Variants in PDE8A observed in about 807,000 individuals in gnomAD.
PDE8A encodes phosphodiesterase 8A, also known as high affinity cAMP-specific and IBMX-insensitive 3',5'-cyclic phosphodiesterase 8A.
A neutral mutation model predicts 105.0 loss-of-function variants in PDE8A; 59 were observed. The observed-to-expected ratio is 0.56, with a 90% CI of 0.46 to 0.70. The LOEUF (loss-of-function observed/expected upper bound fraction) is 0.70, where lower values mean the gene tolerates loss of function less well. Ranked by LOEUF, PDE8A falls within the 30% of genes least tolerant of loss-of-function variation. The probability of loss-of-function intolerance (pLI) is 0.00; values close to 1 mark genes in which losing one functional copy is unlikely to be tolerated. For missense variants in PDE8A, 1,014 were observed against 1,045.9 expected (o/e 0.97, Z 0.42); for synonymous variants, 355 against 371.9 (o/e 0.95, Z 0.52).
At chr15:84,997,383 A>T (rs2079997088) in intron 1 of PDE8A, among the ~76,000 whole-genome samples, 1 of 151,464 alleles carries the variant, frequency 6.6e-6, no homozygotes, top group African/African-American at 2.4e-5. Flanking sequence ...TTTTGTAGAG[A>T]TGGGGTCTTG....
chr15:85,134,314 A>C (rs140359977), intron 20 of PDE8A, among the ~76,000 whole-genome samples: 17 of 152,332 alleles, frequency 1.1e-4, no homozygotes, highest in Middle Eastern at 6.8e-3. Context: ...CTTAGGGTCT[A>C]GCGTGACCAA....
chr15:84,997,041 A>G (rs2079990692), intron 1 of PDE8A, among the ~76,000 whole-genome samples: 1 of 152,058 alleles, frequency 6.6e-6, no homozygotes, highest in African/African-American at 2.4e-5. Flanking sequence ...TTCTTCGATA[A>G]TCTCAGCTTA....
At chr15:85,020,886 A>G (rs1172767148) in intron 1 of PDE8A, among the ~76,000 whole-genome samples, 1 of 152,198 alleles carries the variant, frequency 6.6e-6, no homozygotes, top group East Asian at 1.9e-4. Context: ...TACTGTTACC[A>G]AGATCATCAA....
In PDE8A at chr15:85,126,331, G is replaced by T. The variant is rs2082258577; in HGVS notation, c.2210G>T (p.Cys737Phe). Residue 737 changes from cysteine to phenylalanine, a missense_variant, in exon 20 of 22, where the codon TGC becomes TTC. Cys to Phe is a radical substitution (Grantham distance 205). Transcript: ENST00000394553. ...VSNPCRPLQY[C>F]IEWAARISEE... ...AATCCCTGCCGACCCCTGCAGTACT[G>T]CATCGAGTGGGCTGCACGCATTTCG... 6.2e-7 allele frequency: 1 copy of T among 1,606,848 alleles called. No homozygotes were observed. Among genetic ancestry groups the T allele is most frequent in the Non-Finnish European group, 8.5e-7 (1 of 1,176,406 alleles).
chr15:85,034,448 T>C (rs113291217), intron 1 of PDE8A, among the ~76,000 whole-genome samples: 6 of 152,148 alleles, frequency 3.9e-5, no homozygotes, highest in African/African-American at 1.4e-4. Context: ...TAGAACAGAA[T>C]GTAAAGGTTA....
chr15:85,043,946 C>A (rs1003099232), intron 1 of PDE8A, among the ~76,000 whole-genome samples: 7 of 152,192 alleles, frequency 4.6e-5, no homozygotes, highest in African/African-American at 7.2e-5. Context: ...ATCCACCCAC[C>A]TTGGCCTCCC....
intron 12 of PDE8A, among the ~76,000 whole-genome samples, chr15:85,109,566 A>G (rs1403575479): frequency 6.6e-6 from 1 of 152,248 alleles, no homozygotes; most frequent in Non-Finnish European, 1.5e-5. Context: ...ATTGAAATAT[A>G]CTTTTTAAAA....
intron 8 of PDE8A, among the ~76,000 whole-genome samples, chr15:85,097,314 C>G (rs1432703178): frequency 1.2e-4 from 18 of 152,158 alleles, no homozygotes; most frequent in Non-Finnish European, 2.5e-4. Flanking sequence ...GCCCTCTTTC[C>G]CCAGGCTGCA....
intron 1 of PDE8A, among the ~76,000 whole-genome samples, chr15:85,011,749 G>A (rs909020274): frequency 6.6e-6 from 1 of 152,098 alleles, no homozygotes; most frequent in African/African-American, 2.4e-5. Flanking sequence ...TACCATCAGA[G>A]TGAACAGGCA....
At chr15:84,993,226 A>G (rs112819671) in intron 1 of PDE8A, among the ~76,000 whole-genome samples, 2,928 of 151,500 alleles carry the variant, frequency 0.019, 60 homozygotes, top group African/African-American at 0.052. Context: ...GGCGGATCAC[A>G]AGGTCAGGAG....
intron 2 of PDE8A, 73 bp downstream of exon 2, chr15:85,064,499 CA>C: frequency 1.0e-6 from 1 of 954,656 alleles, no homozygotes; most frequent in Non-Finnish European, 1.7e-6. Flanking sequence ...GCTAAATTTA[CA>C]CATTTAAAAT....
chr15:85,103,843 C>A (rs541829085), intron 11 of PDE8A, among the ~76,000 whole-genome samples: 2 of 152,158 alleles, frequency 1.3e-5, no homozygotes, highest in African/African-American at 4.8e-5. Context: ...CACCTCGCTT[C>A]CTTACCTCAC....
intron 1 of PDE8A, among the ~76,000 whole-genome samples, chr15:85,054,163 GA>G (rs1301346889): frequency 1.3e-5 from 2 of 152,196 alleles, no homozygotes; most frequent in African/African-American, 4.8e-5. Flanking sequence ...TCCCAGAGAT[GA>G]AGCCAACTTG....
chr15:85,061,675 C>T (rs1281180877), intron 1 of PDE8A, among the ~76,000 whole-genome samples: 1 of 152,108 alleles, frequency 6.6e-6, no homozygotes, highest in Non-Finnish European at 1.5e-5. Flanking sequence ...GGGATATTTT[C>T]TTCATACATT....
intron 1 of PDE8A, among the ~76,000 whole-genome samples, chr15:85,020,523 G>T (rs981240613): frequency 6.6e-6 from 1 of 152,234 alleles, no homozygotes; most frequent in Non-Finnish European, 1.5e-5. Flanking sequence ...GGAAGTGCTT[G>T]AACACGGGAG....
At chr15:84,981,321 C>A (rs1397138000), upstream of PDE8A, among the ~76,000 whole-genome samples, 2 of 152,206 alleles carry the variant, frequency 1.3e-5, no homozygotes, top group East Asian at 3.9e-4. Context: ...ACGCCAGCAC[C>A]CGCTGGAGGT....
At chr15:85,075,342 C>T (rs947432289) in intron 3 of PDE8A, among the ~76,000 whole-genome samples, 3 of 152,178 alleles carry the variant, frequency 2.0e-5, no homozygotes, top group African/African-American at 7.2e-5. Flanking sequence ...CAATATCTTG[C>T]ATTTCCTAGT....
chr15:85,028,443 G>T (rs922323071), intron 1 of PDE8A, among the ~76,000 whole-genome samples: 2 of 152,112 alleles, frequency 1.3e-5, no homozygotes, highest in Non-Finnish European at 2.9e-5. Flanking sequence ...TTGAGCTCCT[G>T]GCCTCAAGTG....
intron 11 of PDE8A, among the ~76,000 whole-genome samples, chr15:85,104,828 A>G (rs902991298): frequency 2.6e-5 from 4 of 152,182 alleles, no homozygotes; most frequent in African/African-American, 9.7e-5. Flanking sequence ...AAGACTGAGT[A>G]CCAAGAAAGG....
Sources: allele counts gnomAD v4.1 joint callset (sites outside exome capture counted in the v4.1 genomes callset), GRCh38; gene constraint gnomAD v4.1.1; transcripts MANE v1.5; gene names NCBI Gene and HGNC (gene_info 2026-07-23, HGNC 2026-07-21).